Variants in MBP observed in about 807,000 individuals in gnomAD.
The protein encoded by MBP is myelin basic protein.
A neutral mutation model predicts 35.8 loss-of-function variants in MBP; 16 were observed. The ratio of observed to expected loss-of-function variants is 0.45; its 90% CI spans 0.30 to 0.68. The LOEUF (loss-of-function observed/expected upper bound fraction) is 0.68, where lower values mean the gene tolerates loss of function less well. Among genes scored for constraint, MBP ranks in the 30% least tolerant of loss-of-function variants. MBP has a pLI of 0.08. For synonymous variants in MBP, 143 were observed against 159.6 expected, an observed-to-expected ratio of 0.90 and a Z score of 0.78; for missense variants, 380 against 404.7, an observed-to-expected ratio of 0.94 and a Z score of 0.52.
chr18:77,113,454 C>CTG (rs200639380), intron 1 of MBP: 9 of 152,254 alleles, frequency 5.9e-5, no homozygotes, highest in African/African-American at 1.9e-4. Context: ...GCCTCCAGGA[C>CTG]TGTGTGTGTG....
At chr18:77,126,799 AT>A (rs1977065299) in intron 1 of MBP, among the ~76,000 whole-genome samples, 1 of 152,234 alleles carries the variant, frequency 6.6e-6, no homozygotes, top group Non-Finnish European at 1.5e-5. Context: ...CCCAAAGAAA[AT>A]AAAACACTTA....
chr18:77,076,890 C>T (rs375363345), intron 2 of MBP, among the ~76,000 whole-genome samples: 25 of 152,116 alleles, frequency 1.6e-4, no homozygotes, highest in Non-Finnish European at 1.6e-4. Context: ...CAATCCCAAC[C>T]CCACCCTTAA....
chr18:77,076,005 A>T (rs1201719744), intron 2 of MBP, among the ~76,000 whole-genome samples: 1 of 152,218 alleles, frequency 6.6e-6, no homozygotes, highest in Non-Finnish European at 1.5e-5. Flanking sequence ...TTTATCATGA[A>T]CCTTCGCAAT....
In MBP at chr18:76,988,736, T is replaced by C; in HGVS notation, c.717+141A>G. 7.6e-6 allele frequency: 10 copies of C among 1,320,764 alleles called. No individual in the cohort carries two copies. The highest frequency in any genetic ancestry group is 1.1e-5 in the Non-Finnish European group (10 of 950,672). The allele number at this position is 1,320,764 out of a possible 1,614,324, so 81.8% of individuals were successfully genotyped here. A position where few individuals can be genotyped will look rare whatever the true frequency, so the allele number is the denominator to read the frequency against. On this transcript the variant is annotated intron_variant, in intron 6 of 8. Transcript: ENST00000355994. The surrounding 1 kb of genome is among the most constrained non-coding windows in gnomAD (Gnocchi z 5.2). ...GGGGTGCATGGATCTGCCGACCTGT[T>C]CTACTTGGGAGCTGCCTGGCAACAC...
At chr18:77,042,526 T>C (rs1973057729) in intron 3 of MBP, among the ~76,000 whole-genome samples, 1 of 152,208 alleles carries the variant, frequency 6.6e-6, no homozygotes, top group Non-Finnish European at 1.5e-5. Flanking sequence ...TAATACGTAT[T>C]CTGTATTGCG....
rs370988077 is a variant in MBP at position 77,131,111 on chromosome 18, ACACACACACC to A, written c.-26+1459_-26+1468del. On this transcript the variant is annotated intron_variant, in intron 1 of 8. Coordinates refer to ENST00000355994, the MANE Select transcript of MBP (RefSeq NM_001025101.2). This position sits in a 1 kb window ranked among gnomAD's most constrained non-coding sequence, Gnocchi z 5.5. ...CACACACACACACACACACACACAC[ACACACACACC>A]CCCTCTGCCGCGGTACCCTTCCCCT... 0.14 allele frequency among the ~76,000 whole-genome samples: 11,974 copies of A among 82,956 alleles called. 683 individuals are homozygous for A. Among genetic ancestry groups the A allele is most frequent in the Non-Finnish European group, 0.25 (7,616 of 30,882 alleles). The allele number at this position is 82,956 out of a possible 152,430, so 54.4% of individuals were successfully genotyped here. A position where few individuals can be genotyped will look rare whatever the true frequency, so the allele number is the denominator to read the frequency against.
intron 3 of MBP, 153 bp from the exon 4 acceptor site, chr18:77,017,421 AC>A: frequency 1.8e-6 from 1 of 553,636 alleles, no homozygotes; most frequent in Non-Finnish European, 2.8e-6. Context: ...GATGGAGCTA[AC>A]CTGGATGGAG....
At chr18:77,127,053 C>T (rs1191730405) in intron 1 of MBP, among the ~76,000 whole-genome samples, 1 of 152,116 alleles carries the variant, frequency 6.6e-6, no homozygotes, top group African/African-American at 2.4e-5. Flanking sequence ...TATGGAAAGG[C>T]CCAGAACCTA....
chr18:77,018,865 TATCCATCC>T (rs200121847), intron 3 of MBP, among the ~76,000 whole-genome samples: 9,478 of 125,060 alleles, frequency 0.076, 360 homozygotes, highest in South Asian at 0.12. Context: ...CTCATCCATC[TATCCATCC>T]ATCCATCCAT....
At chr18:77,095,918 C>T (rs1357215952) in intron 2 of MBP, among the ~76,000 whole-genome samples, 1 of 152,260 alleles carries the variant, frequency 6.6e-6, no homozygotes, top group Admixed American at 6.5e-5. Context: ...AAAGTTTACG[C>T]TCACTGGACT....
intron 3 of MBP, among the ~76,000 whole-genome samples, chr18:77,025,995 C>T (rs796839326): frequency 6.6e-6 from 1 of 152,208 alleles, no homozygotes; most frequent in Non-Finnish European, 1.5e-5. Flanking sequence ...TCGCTCATCC[C>T]GCTCGCTGTG....
intron 3 of MBP, among the ~76,000 whole-genome samples, chr18:77,040,729 T>C (rs934687544): frequency 1.3e-5 from 2 of 152,258 alleles, no homozygotes; most frequent in African/African-American, 4.8e-5. Context: ...GCTAGCCATA[T>C]GTAGAAAGCT....
intron 4 of MBP, among the ~76,000 whole-genome samples, chr18:77,001,458 C>A (rs560806646): frequency 6.6e-6 from 1 of 152,198 alleles, no homozygotes; most frequent in African/African-American, 2.4e-5. Flanking sequence ...AACAGATGGG[C>A]GAGGTATTGG....
chr18:77,129,803 G>A (rs1977179693), intron 1 of MBP, among the ~76,000 whole-genome samples: 1 of 152,152 alleles, frequency 6.6e-6, no homozygotes, highest in Admixed American at 6.5e-5. Context: ...GCCGAGGTGG[G>A]TGGATCACTT....
intron 3 of MBP, among the ~76,000 whole-genome samples, chr18:77,038,742 C>G (rs528322777): frequency 1.1e-4 from 16 of 152,300 alleles, no homozygotes; most frequent in African/African-American, 3.6e-4. Context: ...TACACATGTA[C>G]GCATATCACT....
At chr18:77,078,983 G>A (rs1974774673) in intron 2 of MBP, among the ~76,000 whole-genome samples, 1 of 152,212 alleles carries the variant, frequency 6.6e-6, no homozygotes, top group South Asian at 2.1e-4. Flanking sequence ...GGATGAGTCA[G>A]GCGCTCAGCC....
intron 8 of MBP, chr18:76,984,204 T>C (rs1969394301): frequency 6.5e-6 from 1 of 154,206 alleles, no homozygotes; most frequent in Admixed American, 6.4e-5. Flanking sequence ...TACCTTTTAC[T>C]TTCACAGCGA....
intron 1 of MBP, among the ~76,000 whole-genome samples, chr18:77,120,800 T>C (rs1039400358): frequency 1.3e-5 from 2 of 152,294 alleles, no homozygotes; most frequent in African/African-American, 4.8e-5. Flanking sequence ...GGAATAAACC[T>C]GTGTGTGTGC....
At chr18:77,057,778 G>A (rs1973781030) in intron 3 of MBP, among the ~76,000 whole-genome samples, 1 of 151,794 alleles carries the variant, frequency 6.6e-6, no homozygotes, top group Non-Finnish European at 1.5e-5. Context: ...TTAAAAAACC[G>A]CTACACGAAA....
Sources: allele counts gnomAD v4.1 joint callset (sites outside exome capture counted in the v4.1 genomes callset), GRCh38; gene constraint gnomAD v4.1.1; non-coding constraint Gnocchi (gnomAD v3.1); transcripts MANE v1.5; gene names NCBI Gene and HGNC (gene_info 2026-07-23, HGNC 2026-07-21).